The following ZNF518B variants were observed in gnomAD, a reference collection of about 807,000 sequenced individuals.
ZNF518B encodes zinc finger protein 518B.
ZNF518B carries 23 observed loss-of-function variants against 56.3 expected under a neutral mutation model. The observed-to-expected ratio is 0.41, with a 90% CI of 0.29 to 0.58. The LOEUF is 0.58. ZNF518B is among the 20% of genes least tolerant of loss of function. The pLI, the probability that ZNF518B is intolerant of heterozygous loss-of-function variation, is 0.32. For missense variants in ZNF518B, 1,460 were observed against 1,272.1 expected (o/e 1.15, Z -2.25); for synonymous variants, 529 against 465.9 (o/e 1.14, Z -1.74).
chr4:10,442,781 A>C lies in ZNF518B; in HGVS notation c.*323T>G, dbSNP rs1714740677. 1 of 240,978 alleles carries C rather than the reference A, an allele frequency of 4.1e-6. No individual in the cohort carries two copies. The highest frequency in any genetic ancestry group is 2.2e-5 in the African/African-American group (1 of 45,028). 14.9% of individuals were successfully genotyped at this position (240,978 alleles called of 1,614,324 possible). On this transcript the variant is annotated 3_prime_UTR_variant, in exon 3 of 3. Transcript: ENST00000326756. ...ATCTGCCCCTCTGAATGGATTATGA[A>C]AGATCAGTATGTACTCAGAAAACGG...
chr4:10,440,265 T>TATCA lies in ZNF518B; in HGVS notation c.*2835_*2838dup, dbSNP rs1335461282. 8 of 148,782 alleles carry TATCA rather than the reference T, an allele frequency of 5.4e-5. No individual in the cohort carries two copies. The allele number at this position is 148,782 out of a possible 1,614,324, so 9.2% of individuals were successfully genotyped here. The stretch of plus-strand genomic sequence containing the variant: ...ATACAAAATTGAATATAATATAGTC[T>TATCA]ATCAGAGTATACTTTGGGTCAGGTT... On this transcript the variant is annotated 3_prime_UTR_variant, in exon 3 of 3. Coordinates refer to ENST00000326756, the MANE Select transcript of ZNF518B (RefSeq NM_053042.3).
intron 2 of ZNF518B, among the ~76,000 whole-genome samples, chr4:10,450,155 T>C (rs190285755): frequency 1.3e-5 from 2 of 152,234 alleles, no homozygotes; most frequent in Non-Finnish European, 2.9e-5. Flanking sequence ...TTCTCAGCAG[T>C]TATTTTGAAT....
At chr4:10,458,925 C>T (rs1388144107), upstream of ZNF518B, among the ~76,000 whole-genome samples, 4 of 152,154 alleles carry the variant, frequency 2.6e-5, no homozygotes, top group African/African-American at 7.2e-5. Context: ...TAAGGAGAGG[C>T]AACTCTCCTT....
chr4:10,443,934 T>C lies in ZNF518B; in HGVS notation c.2395A>G (p.Ser799Gly), dbSNP rs1159998204. Residue 799 changes from serine (S) to glycine (G), a missense_variant, in exon 3 of 3, where the codon AGC becomes GGC. By Grantham distance (56) the Ser-to-Gly change is moderately conservative. Coordinates refer to ENST00000326756, the MANE Select transcript of ZNF518B (RefSeq NM_053042.3). ...AACTGTCTTTCACTGCAAGGTATGC[T>C]GACAGGTGCTTCACATGTAGCCTCT... ...IIEATCEAPV[S>G]IPCSERQLIK... 2 of 1,614,242 alleles carry C rather than the reference T, an allele frequency of 1.2e-6. No individual in the cohort carries two copies.
At position 10,442,108 on chromosome 4, in the gene ZNF518B, A is replaced by G. The variant is rs952563980; in HGVS notation, c.*996T>C. 6.6e-6 allele frequency: 1 copy of G among 152,284 alleles called. No individual in the cohort carries two copies. Among genetic ancestry groups the G allele is most frequent in the African/African-American group, 2.4e-5 (1 of 41,464 alleles). The allele number at this position is 152,284 out of a possible 1,614,324, so 9.4% of individuals were successfully genotyped here. ...AAATGGCAAAGGGAGTCTAGTGTCC[A>G]TGAATCAAAGGGATCAAGAAGAGAG... On this transcript the variant is annotated 3_prime_UTR_variant, in exon 3 of 3. Transcript: ENST00000326756.
chr4:10,460,165 C>A (rs578233898), upstream of ZNF518B, among the ~76,000 whole-genome samples: 1 of 151,618 alleles, frequency 6.6e-6, no homozygotes, highest in African/African-American at 2.4e-5. Context: ...ATTAACTGGG[C>A]GTGGTGGCGG....
chr4:10,444,651 T>C lies in ZNF518B; in HGVS notation c.1678A>G (p.Asn560Asp), dbSNP rs767164737. The C allele has an allele frequency of 6.2e-7, 1 of 1,614,242 alleles. No homozygotes were observed. The highest frequency in any genetic ancestry group is 1.7e-5 in the Admixed American group (1 of 60,032). Residue 560 changes from asparagine (N) to aspartate (D), a missense_variant, in exon 3 of 3, where the codon AAT (asparagine) becomes GAT (aspartate). Asn to Asp is a conservative substitution (Grantham distance 23). Transcript: ENST00000326756. ...ENDLESTSKV[N>D]IPVKVVSSNR... ...GAGGAAACCACTTTTACAGGAATAT[T>C]GACTTTACTTGTAGATTCCAAGTCA...
rs1272751759 is a variant in ZNF518B at position 10,443,518 on chromosome 4, G to A, written c.2811C>T (p.Pro937=). The A allele has an allele frequency of 6.2e-7, 1 of 1,613,892 alleles. No individual in the cohort carries two copies. Among genetic ancestry groups the A allele is most frequent in the Non-Finnish European group, 8.5e-7 (1 of 1,179,792 alleles). Residue 937 remains proline (P), a synonymous_variant, in exon 3 of 3, where the codon CCC becomes CCT. Coordinates refer to ENST00000326756, the MANE Select transcript of ZNF518B (RefSeq NM_053042.3). ...AAKPDQLIKC[P]RRNQPVIVLN... is the part of the protein sequence containing the mutation. ...ACACAATGACTGGCTGGTTCCGACG[G>A]GGACACTTAATCAACTGATCTGGCT...
In ZNF518B at chr4:10,445,627, T is replaced by G. The variant is rs769389927; in HGVS notation, c.702A>C (p.Gly234=). The change falls in exon 3 of 3, where the codon GGA becomes GGC. Residue 234 remains glycine, a synonymous_variant. Transcript: ENST00000326756. ...AVAKLEPKRT[G]TSKQNPELLK... is the part of the protein sequence containing the mutation. ...GAAGCTCTGGGTTTTGTTTTGAAGT[T>G]CCGGTTCTTTTTGGCTCCAGCTTGG... The G allele has an allele frequency of 1.7e-4, 269 of 1,614,006 alleles. No homozygotes were observed. The highest frequency in any genetic ancestry group is 1.2e-3 in the Middle Eastern group (7 of 6,084).
intron 2 of ZNF518B, among the ~76,000 whole-genome samples, chr4:10,450,579 C>T (rs537437884): frequency 5.3e-5 from 8 of 152,130 alleles, no homozygotes; most frequent in Admixed American, 2.0e-4. Flanking sequence ...CCTCTCAGCC[C>T]GTCCCTTCCA....
At position 10,445,517 on chromosome 4, in the gene ZNF518B, T is replaced by G; in HGVS notation, c.812A>C (p.Lys271Thr). 6.2e-7 allele frequency: 1 copy of G among 1,614,220 alleles called. No individual in the cohort carries two copies. Among genetic ancestry groups the G allele is most frequent in the East Asian group, 2.2e-5 (1 of 44,894 alleles). The change falls in exon 3 of 3, where the codon AAA (lysine) becomes ACA (threonine). Residue 271 changes from lysine (K) to threonine (T), a missense_variant. Transcript: ENST00000326756. ...SGFSLHANKD[K>T]MHNIMLLPEP... ...AGGTAACAACATGATATTGTGCATT[T>G]TGTCTTTATTTGCATGGAGAGAGAA...
chr4:10,447,164 T>TA (rs1252424361), intron 2 of ZNF518B, among the ~76,000 whole-genome samples: 1 of 152,150 alleles, frequency 6.6e-6, no homozygotes, highest in African/African-American at 2.4e-5. Context: ...AGGTAGTGAA[T>TA]GAAAGCAAAT....
Position 10,443,953 on chromosome 4 carries a change from A to G in ZNF518B, c.2376T>C (p.Ala792=). Residue 792 remains alanine (A), a synonymous_variant, in exon 3 of 3, where the codon GCT becomes GCC. Coordinates refer to ENST00000326756, the MANE Select transcript of ZNF518B (RefSeq NM_053042.3). ...GTATGCTGACAGGTGCTTCACATGT[A>G]GCCTCTATGATGTGGGCATTCTCAG... The part of the protein sequence containing the change: ...NSSENAHIIE[A]TCEAPVSIPC... 6.2e-7 allele frequency: 1 copy of G among 1,614,244 alleles called. No homozygotes were observed. Among genetic ancestry groups the G allele is most frequent in the Non-Finnish European group, 8.5e-7 (1 of 1,180,042 alleles).
chr4:10,450,527 C>T (rs372981973), intron 2 of ZNF518B, among the ~76,000 whole-genome samples: 19 of 151,610 alleles, frequency 1.3e-4, no homozygotes, highest in Admixed American at 7.2e-4. Flanking sequence ...GGTATTTACA[C>T]GTGGACACTC....
chr4:10,444,986 T>C lies in ZNF518B; in HGVS notation c.1343A>G (p.His448Arg), dbSNP rs139258002. ...YDFIMPNSSV[H>R]NNGKSFINSE... ...ATTAATGAAGGATTTTCCATTGTTG[T>C]GCACACTAGAATTTGGCATAATAAA... The change falls in exon 3 of 3, where the codon CAC becomes CGC. Residue 448 changes from histidine to arginine, a missense_variant. By Grantham distance (29) the His-to-Arg change is conservative. Transcript: ENST00000326756. The C allele has an allele frequency of 1.3e-4, 209 of 1,614,152 alleles. 1 individual carries two copies. In the East Asian group the frequency reaches 4.4e-3, roughly 34 times the overall value.
At chr4:10,459,519 C>T (rs1330135128), upstream of ZNF518B, among the ~76,000 whole-genome samples, 1 of 152,170 alleles carries the variant, frequency 6.6e-6, no homozygotes, top group African/African-American at 2.4e-5. Flanking sequence ...TCCCCCACCC[C>T]CAACTTATGG....
chr4:10,460,304 C>CAA (rs1210892613), upstream of ZNF518B, among the ~76,000 whole-genome samples: 2 of 8,764 alleles, frequency 2.3e-4, no homozygotes, highest in African/African-American at 1.5e-3. Context: ...GACTCTGTCT[C>CAA]AAAAAAAAAA....
intron 1 of ZNF518B, among the ~76,000 whole-genome samples, chr4:10,455,661 A>G (rs1405007907): frequency 6.6e-6 from 1 of 152,214 alleles, no homozygotes; most frequent in East Asian, 1.9e-4. Context: ...CAGATCGGGT[A>G]TAATACATCA....
At position 10,444,367 on chromosome 4, in the gene ZNF518B, G is replaced by A. The variant is rs1229797013; in HGVS notation, c.1962C>T (p.Ser654=). 1 of 1,614,050 alleles carries A rather than the reference G, an allele frequency of 6.2e-7. No homozygotes were observed. The highest frequency in any genetic ancestry group is 1.3e-5 in the African/African-American group (1 of 74,910). The change falls in exon 3 of 3, where the codon AGC becomes AGT. Residue 654 remains serine, a synonymous_variant. Coordinates refer to ENST00000326756, the MANE Select transcript of ZNF518B (RefSeq NM_053042.3). Reference sequence around the variant, plus strand: ...CAATTGACTTTATTTTAGACGTTGAGCTATTCCACTTAATGCCCTCGGGGA... The same window carrying A: ...CAATTGACTTTATTTTAGACGTTGAACTATTCCACTTAATGCCCTCGGGGA... The part of the protein sequence containing the change: ...ENVPEGIKWN[S]STSKIKSIEL...
Sources: gnomAD v4.1 joint callset for allele counts (sites outside exome capture counted in the v4.1 genomes callset) on GRCh38, gnomAD v4.1.1 for gene constraint, MANE v1.5 for transcripts, NCBI Gene and HGNC (gene_info 2026-07-23, HGNC 2026-07-21) for gene names.